Variants in HIGD1C observed in about 807,000 individuals in gnomAD.
The protein encoded by HIGD1C is HIG1 hypoxia inducible domain family member 1C, also known as HIG1 domain family member 1C.
HIGD1C carries 11 observed loss-of-function variants against 13.1 expected under a neutral mutation model. The observed-to-expected ratio is 0.84, with a 90% CI of 0.53 to 1.39. The LOEUF (loss-of-function observed/expected upper bound fraction) is 1.39, where lower values mean the gene tolerates loss of function less well. HIGD1C is among the 40% of genes most tolerant of loss of function. The pLI is 0.00. For missense variants in HIGD1C, 110 were observed against 112.0 expected (o/e 0.98, Z 0.08); for synonymous variants, 36 against 37.7 (o/e 0.95, Z 0.17).
At chr12:50,943,962 T>C in the HIGD1C span, among the ~76,000 whole-genome samples, 22 of 152,166 alleles carry the variant, frequency 1.4e-4, no homozygotes, top group Non-Finnish European at 1.8e-4. Flanking sequence ...GAAAGTAAAA[T>C]ACCCTAGTTA....
chr12:50,937,843 G>A, the HIGD1C span, among the ~76,000 whole-genome samples: 3 of 152,282 alleles, frequency 2.0e-5, no homozygotes, highest in African/African-American at 4.8e-5. Context: ...GTCTCATTGA[G>A]TGTGTGAGTC....
At chr12:50,946,084 G>C in the HIGD1C span, among the ~76,000 whole-genome samples, 1 of 152,144 alleles carries the variant, frequency 6.6e-6, no homozygotes, top group African/African-American at 2.4e-5. Flanking sequence ...ATTAATTCAA[G>C]ATGGATTAAA....
chr12:50,931,425 G>A, the HIGD1C span: 1 of 151,780 alleles, frequency 6.6e-6, no homozygotes, highest in African/African-American at 2.4e-5. Context: ...AAAAGAGACA[G>A]GGGGCTGGGC....
chr12:50,970,883 T>G (rs1939736857), downstream of HIGD1C, among the ~76,000 whole-genome samples: 1 of 152,052 alleles, frequency 6.6e-6, no homozygotes, highest in Non-Finnish European at 1.5e-5. Context: ...TTATTTTATT[T>G]TATTTTATTT....
chr12:50,944,937 C>T, the HIGD1C span, among the ~76,000 whole-genome samples: 1,720 of 152,166 alleles, frequency 0.011, 12 homozygotes, highest in Non-Finnish European at 0.016. Flanking sequence ...TCAACATACA[C>T]AAATCAATCA....
intron 2 of HIGD1C, among the ~76,000 whole-genome samples, chr12:50,966,093 G>A (rs1406243449): frequency 1.3e-5 from 2 of 152,024 alleles, no homozygotes; most frequent in African/African-American, 2.4e-5. Flanking sequence ...GACCACTTAG[G>A]CTTTGCTGCC....
At chr12:50,936,629 C>G in the HIGD1C span, among the ~76,000 whole-genome samples, 50 of 152,308 alleles carry the variant, frequency 3.3e-4, no homozygotes, top group African/African-American at 1.1e-3. Context: ...CTTCTGAGTC[C>G]AAGATCTCCA....
At chr12:50,971,426 CT>C (rs1303412679), downstream of HIGD1C, among the ~76,000 whole-genome samples, 96 of 152,114 alleles carry the variant, frequency 6.3e-4, no homozygotes, top group Non-Finnish European at 1.3e-4. Context: ...CATTTTTAGA[CT>C]TTAAAGTAGT....
At chr12:50,964,256 A>ATTATATTATATCTATATTATATAATATAT (rs1939457729) in intron 2 of HIGD1C, among the ~76,000 whole-genome samples, 2 of 152,236 alleles carry the variant, frequency 1.3e-5, no homozygotes, top group Non-Finnish European at 2.9e-5. Flanking sequence ...TATTGCTAGT[A>ATTATATTATATCTATATTATATAATATAT]TTATATCTAT....
upstream of HIGD1C, among the ~76,000 whole-genome samples, chr12:50,953,148 G>T (rs1369514016): frequency 6.6e-6 from 1 of 152,170 alleles, no homozygotes; most frequent in Non-Finnish European, 1.5e-5. Context: ...TTATCAATTA[G>T]TTGGAAATTG....
intron 2 of HIGD1C, among the ~76,000 whole-genome samples, chr12:50,961,384 C>G (rs1282777346): frequency 6.6e-6 from 1 of 152,140 alleles, no homozygotes; most frequent in Non-Finnish European, 1.5e-5. Flanking sequence ...TCCTATAACT[C>G]AAGCGCAGCA....
the HIGD1C span, among the ~76,000 whole-genome samples, chr12:50,932,686 T>A: frequency 1.3e-5 from 2 of 152,156 alleles, no homozygotes; most frequent in Non-Finnish European, 2.9e-5. Context: ...TCAGAATGGG[T>A]TTTGAAAAGT....
intron 1 of HIGD1C, among the ~76,000 whole-genome samples, chr12:50,957,832 C>A (rs1409502037): frequency 6.6e-6 from 1 of 151,820 alleles, no homozygotes; most frequent in Admixed American, 6.6e-5. Context: ...TTGCAGTGAG[C>A]CGAGATCATG....
chr12:50,943,149 G>A, the HIGD1C span, among the ~76,000 whole-genome samples: 1 of 151,998 alleles, frequency 6.6e-6, no homozygotes, highest in South Asian at 2.1e-4. Context: ...ACAGACACGA[G>A]CCACCACGCC....
At chr12:50,942,044 C>T in the HIGD1C span, among the ~76,000 whole-genome samples, 11 of 152,208 alleles carry the variant, frequency 7.2e-5, no homozygotes, top group East Asian at 1.9e-3. Flanking sequence ...CCATACCAGG[C>T]TAATTTTTTT....
the HIGD1C span, among the ~76,000 whole-genome samples, chr12:50,944,412 T>A: frequency 1.3e-5 from 2 of 152,146 alleles, no homozygotes; most frequent in Non-Finnish European, 2.9e-5. Context: ...TCCCAGCACT[T>A]TGGGAAGACA....
downstream of HIGD1C, among the ~76,000 whole-genome samples, chr12:50,972,205 C>T (rs1291941098): frequency 6.6e-6 from 1 of 152,182 alleles, no homozygotes; most frequent in African/African-American, 2.4e-5. Flanking sequence ...ATTCTACCTT[C>T]TCAATATGTA....
At chr12:50,961,149 C>A (rs768461306) in intron 2 of HIGD1C, 47 bp downstream of exon 4, 2 of 1,586,186 alleles carry the variant, frequency 1.3e-6, no homozygotes, top group Non-Finnish European at 1.7e-6. Context: ...TTTGAGAGTA[C>A]ATTTATTTAT....
chr12:50,934,582 T>C, the HIGD1C span, among the ~76,000 whole-genome samples: 1 of 152,184 alleles, frequency 6.6e-6, no homozygotes, highest in Non-Finnish European at 1.5e-5. Flanking sequence ...TTTCTATAGA[T>C]GAGGAAGAAG....
Sources: gnomAD v4.1 joint callset for allele counts (sites outside exome capture counted in the v4.1 genomes callset) on GRCh38, gnomAD v4.1.1 for gene constraint, MANE v1.5 for transcripts, NCBI Gene and HGNC (gene_info 2026-07-23, HGNC 2026-07-21) for gene names.